The following AP4S1 variants were observed in gnomAD, a reference collection of about 807,000 sequenced individuals.
The protein encoded by AP4S1 is adaptor related protein complex 4 subunit sigma 1, also known as AP-4 complex subunit sigma-1.
Under a neutral mutation model 19.8 loss-of-function variants are expected in AP4S1, and 23 were observed. The ratio of observed to expected loss-of-function variants is 1.16; its 90% CI spans 0.84 to 1.65. The LOEUF (loss-of-function observed/expected upper bound fraction) is 1.65, where lower values mean the gene tolerates loss of function less well. Among genes scored for constraint, AP4S1 ranks in the 40% most tolerant of loss-of-function variants. AP4S1 has a pLI of 0.00. For synonymous variants in AP4S1, 46 were observed against 54.1 expected (o/e 0.85, Z 0.66); for missense variants, 166 against 172.8 (o/e 0.96, Z 0.22).
Position 31,035,370 on chromosome 14 carries a change from T to C in AP4S1, c.-72+9583T>C, listed in dbSNP as rs531987373. Reference sequence around the variant, plus strand: ...CCGCCACACCCAGCTAATTTTTGTATTTTTAGTAGAGATGGGGTTTCACCA... The same window carrying C: ...CCGCCACACCCAGCTAATTTTTGTACTTTTAGTAGAGATGGGGTTTCACCA... On this transcript the variant is annotated intron_variant, in intron 1 of 5. Coordinates refer to ENST00000542754, the MANE Select transcript of AP4S1 (RefSeq NM_001128126.3). Among the ~76,000 whole-genome samples the C allele has an allele frequency of 3.4e-5, 4 of 116,526 alleles. No homozygotes were observed. In the East Asian group the frequency reaches 9.9e-4, roughly 29 times the overall value. 76.4% of individuals were successfully genotyped at this position (116,526 alleles called of 152,430 possible). A position where few individuals can be genotyped will look rare whatever the true frequency, so the allele number is the denominator to read the frequency against.
At chr14:31,039,940 T>C (rs1885015292) in intron 1 of AP4S1, among the ~76,000 whole-genome samples, 1 of 152,140 alleles carries the variant, frequency 6.6e-6, no homozygotes, top group South Asian at 2.1e-4. Context: ...AGGGGAAAAT[T>C]CACATGGTAA....
chr14:31,030,230 G>C (rs1474657227), intron 1 of AP4S1, among the ~76,000 whole-genome samples: 2 of 152,048 alleles, frequency 1.3e-5, no homozygotes, highest in Admixed American at 6.6e-5. Context: ...AAGTGCTGGG[G>C]TTACAGGTGT....
intron 5 of AP4S1, 35 bp downstream of exon 5, chr14:31,080,619 G>T: frequency 6.2e-7 from 1 of 1,613,722 alleles, no homozygotes; most frequent in Non-Finnish European, 8.5e-7. Context: ...CACAGTACTT[G>T]GCAAATGCAC....
At chr14:31,073,033 C>T (rs778758524) in intron 4 of AP4S1, 60 bp downstream of exon 4, 9 of 1,351,598 alleles carry the variant, frequency 6.7e-6, no homozygotes, top group African/African-American at 1.4e-5. Flanking sequence ...GAAATTGAGT[C>T]TCTTTGGATC....
At chr14:31,071,937 G>A (rs74359808) in intron 3 of AP4S1, among the ~76,000 whole-genome samples, 2 of 148,860 alleles carry the variant, frequency 1.3e-5, no homozygotes, top group Non-Finnish European at 3.0e-5. Flanking sequence ...TTTTGGGGGG[G>A]TGGGGATGGA....
chr14:31,091,467 G>A (rs1235587822), intron 5 of AP4S1, among the ~76,000 whole-genome samples: 1 of 151,810 alleles, frequency 6.6e-6, no homozygotes, highest in Non-Finnish European at 1.5e-5. Flanking sequence ...TTGGCCGTGG[G>A]ACAAAGCAAT....
intron 1 of AP4S1, among the ~76,000 whole-genome samples, chr14:31,055,608 T>C (rs1331087349): frequency 2.0e-5 from 3 of 152,200 alleles, no homozygotes; most frequent in Non-Finnish European, 4.4e-5. Context: ...TATTAAACTA[T>C]ACTGTACTAG....
At chr14:31,074,926 T>A (rs1414784380) in intron 4 of AP4S1, among the ~76,000 whole-genome samples, 1 of 152,226 alleles carries the variant, frequency 6.6e-6, no homozygotes, top group African/African-American at 2.4e-5. Context: ...GTAGATATTT[T>A]CAGAATACTT....
At position 31,058,527 on chromosome 14, in the gene AP4S1, A is replaced by ATGTGTGTGTG. The variant is rs140119208; in HGVS notation, c.-71-7559_-71-7550dup. On this transcript the variant is annotated intron_variant, in intron 1 of 5. Transcript: ENST00000542754. Reference sequence around the variant, plus strand: ...ACATCTTCCCCATCTCTGTGTGTGTATGTGTGTGTGTGTGTGTGTGTGTGT... The same window carrying ATGTGTGTGTG: ...ACATCTTCCCCATCTCTGTGTGTGTATGTGTGTGTGTGTGTGTGTGTGTGTGTGTGTGTGT... Among the ~76,000 whole-genome samples, 301 of 136,648 alleles carry ATGTGTGTGTG rather than the reference A, an allele frequency of 2.2e-3. 1 individual carries two copies. The highest frequency in any genetic ancestry group is 0.011 in the Middle Eastern group (3 of 268). The allele number at this position is 136,648 out of a possible 152,430, so 89.6% of individuals were successfully genotyped here. A position where few individuals can be genotyped will look rare whatever the true frequency, so the allele number is the denominator to read the frequency against.
intron 1 of AP4S1, among the ~76,000 whole-genome samples, chr14:31,028,620 G>C (rs965381593): frequency 1.6e-4 from 21 of 134,146 alleles, no homozygotes; most frequent in South Asian, 2.6e-4. Context: ...CACACACACA[G>C]AGACATTTGT....
chr14:31,043,225 G>GAA (rs544165672), intron 1 of AP4S1, among the ~76,000 whole-genome samples: 37,417 of 131,498 alleles, frequency 0.28, 4,802 homozygotes, highest in South Asian at 0.36. Flanking sequence ...TTTCAAAAAA[G>GAA]AAAAAAAAAA....
intron 1 of AP4S1, among the ~76,000 whole-genome samples, chr14:31,058,319 A>G (rs1566526913): frequency 6.6e-6 from 1 of 151,998 alleles, no homozygotes. Flanking sequence ...TTCCTGCTCT[A>G]AGTAACCTTA....
chr14:31,053,350 T>C (rs1885914403), intron 1 of AP4S1, among the ~76,000 whole-genome samples: 1 of 152,114 alleles, frequency 6.6e-6, no homozygotes, highest in Non-Finnish European at 1.5e-5. Flanking sequence ...CTGGGTGCCA[T>C]AGGCCCCCGG....
intron 2 of AP4S1, 117 bp downstream of exon 2, chr14:31,066,451 A>T: frequency 7.5e-7 from 1 of 1,329,518 alleles, no homozygotes; most frequent in Non-Finnish European, 1.1e-6. Flanking sequence ...ACAGCTACTA[A>T]AGAAAATAAG....
chr14:31,085,228 T>C, intron 5 of AP4S1: 1 of 1,062,782 alleles, frequency 9.4e-7, no homozygotes, highest in Non-Finnish European at 1.1e-6. Context: ...GCCCCTAGAA[T>C]TTATAAGGTC....
chr14:31,083,431 C>T (rs142472767), intron 5 of AP4S1: 1 of 450,652 alleles, frequency 2.2e-6, no homozygotes, highest in African/African-American at 2.1e-5. Context: ...ACTTGTACTT[C>T]CAGTGGTCTA....
intron 1 of AP4S1, among the ~76,000 whole-genome samples, chr14:31,044,945 A>G (rs1269361900): frequency 1.3e-5 from 2 of 151,304 alleles, no homozygotes; most frequent in African/African-American, 2.4e-5. Flanking sequence ...CTCTGTTGCC[A>G]GGCTGGAGTG....
At chr14:31,085,222 C>G in intron 5 of AP4S1, 1 of 1,069,812 alleles carries the variant, frequency 9.3e-7, no homozygotes, top group Non-Finnish European at 1.1e-6. Flanking sequence ...TCCTGGGCCC[C>G]TAGAATTTAT....
At chr14:31,070,572 G>A (rs958954729) in intron 3 of AP4S1, among the ~76,000 whole-genome samples, 2 of 152,188 alleles carry the variant, frequency 1.3e-5, no homozygotes, top group African/African-American at 4.8e-5. Flanking sequence ...TAGCAAGGAT[G>A]AGGAAAGCTG....
Sources: gnomAD v4.1 joint callset for allele counts (sites outside exome capture counted in the v4.1 genomes callset) on GRCh38, gnomAD v4.1.1 for gene constraint, MANE v1.5 for transcripts, NCBI Gene and HGNC (gene_info 2026-07-23, HGNC 2026-07-21) for gene names.